PTPRQ: variants seen among roughly 807,000 people sequenced by gnomAD.
PTPRQ encodes protein tyrosine phosphatase receptor type Q.
In PTPRQ, 199 loss-of-function variants were observed where a neutral mutation model predicts 246.0. The observed-to-expected ratio is 0.81, with a 90% confidence interval of 0.72 to 0.91. The LOEUF (loss-of-function observed/expected upper bound fraction) is 0.91. Among genes scored for constraint, PTPRQ ranks in the 40% least tolerant of loss-of-function variants. PTPRQ has a pLI of 0.00. For missense variants in PTPRQ, 2,624 were observed against 2,528.4 expected, an observed-to-expected ratio of 1.04 and a Z score of -0.81; for synonymous variants, 869 against 853.2, an observed-to-expected ratio of 1.02 and a Z score of -0.32.
At chr12:80,522,001 A>G (rs1319204697) in intron 17 of PTPRQ, among the ~76,000 whole-genome samples, 1 of 152,118 alleles carries the variant, frequency 6.6e-6, no homozygotes, top group Non-Finnish European at 1.5e-5. Flanking sequence ...TGAGCATGGG[A>G]TGTTCTTCCA....
At chr12:80,535,899 A>T (rs894908383) in intron 19 of PTPRQ, among the ~76,000 whole-genome samples, 17 of 152,164 alleles carry the variant, frequency 1.1e-4, no homozygotes, top group African/African-American at 4.1e-4. Flanking sequence ...CAAGGTCAGG[A>T]GATCGAGATC....
chr12:80,472,070 A>C, intron 7 of PTPRQ, 35 bp from the exon 8 acceptor site: 3 of 1,550,084 alleles, frequency 1.9e-6, no homozygotes, highest in Non-Finnish European at 2.6e-6. Context: ...ACGCTTGATA[A>C]AAAATAATCC....
chr12:80,633,751 C>A (rs1342617242), intron 34 of PTPRQ, among the ~76,000 whole-genome samples: 2 of 152,214 alleles, frequency 1.3e-5, no homozygotes, highest in African/African-American at 2.4e-5. Flanking sequence ...TCATTCGAGG[C>A]ACTTTGAATG....
intron 27 of PTPRQ, among the ~76,000 whole-genome samples, chr12:80,607,300 TAAC>T (rs1898360571): frequency 6.6e-6 from 1 of 150,956 alleles, no homozygotes. Context: ...GGTCATTAAA[TAAC>T]AAATAAAATT....
chr12:80,644,035 G>T (rs1036819284), intron 35 of PTPRQ, among the ~76,000 whole-genome samples: 2 of 152,122 alleles, frequency 1.3e-5, no homozygotes, highest in African/African-American at 4.8e-5. Flanking sequence ...CTCAGCTATA[G>T]GTTATCATCT....
At chr12:80,671,326 T>C (rs1900963105) in intron 42 of PTPRQ, among the ~76,000 whole-genome samples, 1 of 152,092 alleles carries the variant, frequency 6.6e-6, no homozygotes, top group South Asian at 2.1e-4. Flanking sequence ...TATAATAGTA[T>C]ATACTAAAAA....
intron 35 of PTPRQ, among the ~76,000 whole-genome samples, chr12:80,638,738 T>G (rs1334673095): frequency 6.6e-6 from 1 of 152,232 alleles, no homozygotes; most frequent in East Asian, 1.9e-4. Flanking sequence ...AGAGCAGGAG[T>G]CAAATAAAGA....
At chr12:80,507,130 A>G (rs1804658926) in intron 16 of PTPRQ, among the ~76,000 whole-genome samples, 1 of 151,994 alleles carries the variant, frequency 6.6e-6, no homozygotes, top group Non-Finnish European at 1.5e-5. Context: ...AGGCTTCTGC[A>G]TAATTGGACA....
intron 6 of PTPRQ, among the ~76,000 whole-genome samples, chr12:80,466,556 C>T (rs1173160202): frequency 2.6e-5 from 4 of 152,168 alleles, no homozygotes; most frequent in African/African-American, 9.7e-5. Flanking sequence ...CAAGTCAATC[C>T]TAAGCCAAAA....
intron 17 of PTPRQ, among the ~76,000 whole-genome samples, chr12:80,519,739 C>T (rs1307758952): frequency 6.6e-6 from 1 of 152,144 alleles, no homozygotes; most frequent in African/African-American, 2.4e-5. Flanking sequence ...AGGTCCTATA[C>T]ATCAAATGAT....
chr12:80,486,712 T>C (rs12369921), intron 9 of PTPRQ, among the ~76,000 whole-genome samples: 31,654 of 152,078 alleles, frequency 0.21, 3,624 homozygotes, highest in African/African-American at 0.27. Context: ...CCCATTTCTA[T>C]TGATCTTCTG....
intron 10 of PTPRQ, 35 bp from the exon 11 acceptor site, chr12:80,494,898 C>CT (rs1300623418): frequency 6.7e-7 from 1 of 1,494,998 alleles, no homozygotes; most frequent in African/African-American, 1.4e-5. Flanking sequence ...AGCCAAACAC[C>CT]TTTCTTTTTT....
At chr12:80,512,348 A>G (rs1895149200) in intron 17 of PTPRQ, among the ~76,000 whole-genome samples, 1 of 152,208 alleles carries the variant, frequency 6.6e-6, no homozygotes, top group Admixed American at 6.5e-5. Flanking sequence ...ACACCTAGAC[A>G]GAAACACATG....
chr12:80,466,153 C>G (rs940727075), intron 6 of PTPRQ, among the ~76,000 whole-genome samples: 2 of 152,162 alleles, frequency 1.3e-5, no homozygotes, highest in African/African-American at 4.8e-5. Flanking sequence ...GCAATTTCAG[C>G]AAAGTCTCAG....
At chr12:80,659,331 C>T (rs930750530) in intron 39 of PTPRQ, among the ~76,000 whole-genome samples, 1 of 151,936 alleles carries the variant, frequency 6.6e-6, no homozygotes, top group African/African-American at 2.4e-5. Flanking sequence ...CTAAACTCTA[C>T]AGCATGTTAA....
chr12:80,444,628 C>G, intron 1 of PTPRQ, 113 bp from the exon 2 acceptor site: 2 of 769,552 alleles, frequency 2.6e-6, no homozygotes, highest in Non-Finnish European at 4.4e-6. Context: ...ATGTTATAAA[C>G]AGTGCAGAGT....
intron 23 of PTPRQ, among the ~76,000 whole-genome samples, chr12:80,545,786 GTTA>G (rs903460704): frequency 6.6e-5 from 9 of 136,840 alleles, no homozygotes; most frequent in African/African-American, 1.5e-4. Context: ...ATATAATAAT[GTTA>G]TTATTATTTA....
intron 32 of PTPRQ, among the ~76,000 whole-genome samples, chr12:80,620,997 A>G: frequency 6.6e-6 from 1 of 151,950 alleles, no homozygotes; most frequent in Middle Eastern, 3.4e-3. Flanking sequence ...TTGTATTGTA[A>G]GACTACAATT....
chr12:80,632,342 A>T, intron 34 of PTPRQ, 51 bp downstream of exon 34: 1 of 1,546,718 alleles, frequency 6.5e-7, no homozygotes, highest in Non-Finnish European at 8.7e-7. Context: ...GCATTATATC[A>T]GTCATAGTCC....
Sources: allele counts gnomAD v4.1 joint callset (sites outside exome capture counted in the v4.1 genomes callset), GRCh38; gene constraint gnomAD v4.1.1; transcripts MANE v1.5; gene names NCBI Gene and HGNC (gene_info 2026-07-23, HGNC 2026-07-21).